Variants in RAMP1 observed in about 807,000 individuals in gnomAD.
The protein encoded by RAMP1 is receptor activity modifying protein 1, also known as receptor activity-modifying protein 1.
In RAMP1, 7 loss-of-function variants were observed where a neutral mutation model predicts 8.2. The observed-to-expected ratio is 0.85, with a 90% CI of 0.49 to 1.60. RAMP1 has a LOEUF of 1.60. Ranked by LOEUF, RAMP1 falls within the 40% of genes most tolerant of loss-of-function variation. The pLI, the probability that RAMP1 is intolerant of heterozygous loss-of-function variation, is 0.00. For synonymous variants in RAMP1, 92 were observed against 84.7 expected (o/e 1.09, Z -0.47); for missense variants, 192 against 202.4 (o/e 0.95, Z 0.31).
chr2:237,903,647 C>G (rs908435563), intron 2 of RAMP1, among the ~76,000 whole-genome samples: 3 of 152,050 alleles, frequency 2.0e-5, no homozygotes, highest in African/African-American at 7.2e-5. Flanking sequence ...TGACCTAAGC[C>G]TCCCAACTAG....
chr2:237,909,358 G>T (rs534241967), intron 2 of RAMP1, among the ~76,000 whole-genome samples: 1 of 144,722 alleles, frequency 6.9e-6, no homozygotes, highest in Non-Finnish European at 1.5e-5. Context: ...AGGCCTTGCC[G>T]AGCCTGTGCC....
chr2:237,871,054 G>T (rs1346321699), intron 1 of RAMP1, among the ~76,000 whole-genome samples: 6 of 152,232 alleles, frequency 3.9e-5, no homozygotes, highest in Non-Finnish European at 8.8e-5. Flanking sequence ...GTAAGCGGCT[G>T]TGTGGGTGGG....
intron 1 of RAMP1, among the ~76,000 whole-genome samples, chr2:237,872,320 A>G (rs115342921): frequency 6.6e-6 from 1 of 152,188 alleles, no homozygotes; most frequent in Non-Finnish European, 1.5e-5. Context: ...AGTGACGGTG[A>G]TGATGGCCAC....
intron 2 of RAMP1, among the ~76,000 whole-genome samples, chr2:237,902,911 G>A (rs1471208946): frequency 1.3e-5 from 2 of 152,212 alleles, no homozygotes; most frequent in East Asian, 3.8e-4. Context: ...TACCATTCTG[G>A]TGGGGATCAC....
chr2:237,902,162 G>T (rs2062605300), intron 2 of RAMP1, among the ~76,000 whole-genome samples: 1 of 152,034 alleles, frequency 6.6e-6, no homozygotes, highest in Non-Finnish European at 1.5e-5. Flanking sequence ...TCTCCTCCGG[G>T]GGCTGGTAAG....
chr2:237,905,460 C>T (rs1333797151), intron 2 of RAMP1, among the ~76,000 whole-genome samples: 1 of 152,230 alleles, frequency 6.6e-6, no homozygotes, highest in Non-Finnish European at 1.5e-5. Flanking sequence ...ATAGCCCACC[C>T]ACACACGGCC....
At position 237,862,495 on chromosome 2, in the gene RAMP1, G is replaced by A. The variant is rs1404629211; in HGVS notation, c.52+2768G>A. Among the ~76,000 whole-genome samples the A allele has an allele frequency of 6.6e-6, 1 of 152,168 alleles. No homozygotes were observed. The highest frequency in any genetic ancestry group is 1.5e-5 in the Non-Finnish European group (1 of 68,016). ...TCAGCTCCGGGAAATGTTTTAGGTG[G>A]AATCTTTAGTTAAGGCTAGTTGGAA... On this transcript the variant is annotated intron_variant, in intron 1 of 2. Transcript: ENST00000254661. The surrounding 1 kb of genome is among the most constrained non-coding windows in gnomAD (Gnocchi z 4.0).
chr2:237,859,728 G>C lies in RAMP1; in HGVS notation c.52+1G>C. 6.6e-6 allele frequency: 10 copies of C among 1,513,456 alleles called. No homozygotes were observed. The highest frequency in any genetic ancestry group is 8.8e-6 in the Non-Finnish European group (10 of 1,131,506). 93.8% of individuals were successfully genotyped at this position (1,513,456 alleles called of 1,614,324 possible). A position where few individuals can be genotyped will look rare whatever the true frequency, so the allele number is the denominator to read the frequency against. Reference sequence around the variant, plus strand: ...CGGCGCGGCCTCTGGCTGCTCCTGGGTGAGTAGGTCCAGGGGTCCCGGCCG... The same window carrying C: ...CGGCGCGGCCTCTGGCTGCTCCTGGCTGAGTAGGTCCAGGGGTCCCGGCCG... On this transcript the variant is annotated splice_donor_variant, in intron 1 of 2. Transcript: ENST00000254661. LOFTEE classifies it high-confidence loss of function.
chr2:237,895,240 G>T lies in RAMP1; in HGVS notation c.192-16288G>T, dbSNP rs552889934. 2.6e-5 allele frequency among the ~76,000 whole-genome samples: 4 copies of T among 152,146 alleles called. No individual in the cohort carries two copies. In the South Asian group the frequency reaches 6.2e-4, roughly 24 times the overall value. On this transcript the variant is annotated intron_variant, in intron 2 of 2. Coordinates refer to ENST00000254661, the MANE Select transcript of RAMP1 (RefSeq NM_005855.4). ...GGCTCCCATCCAAAGGCAGGGCAGC[G>T]CGAGTCACATGCCCACCCCCTGCTG... is the stretch of plus-strand genomic sequence containing the variant.
intron 2 of RAMP1, among the ~76,000 whole-genome samples, chr2:237,894,260 T>G (rs1019113820): frequency 1.8e-4 from 28 of 152,172 alleles, no homozygotes; most frequent in African/African-American, 6.0e-4. Context: ...CGTGAGCCAC[T>G]TCACCCGGCC....
At chr2:237,873,402 C>T (rs1464877092) in intron 1 of RAMP1, among the ~76,000 whole-genome samples, 1 of 152,224 alleles carries the variant, frequency 6.6e-6, no homozygotes, top group Non-Finnish European at 1.5e-5. Context: ...GTCCAGGGGT[C>T]CCCTGTGGGG....
At chr2:237,874,422 G>A (rs888976457) in intron 1 of RAMP1, among the ~76,000 whole-genome samples, 4 of 152,222 alleles carry the variant, frequency 2.6e-5, no homozygotes, top group South Asian at 2.1e-4. Flanking sequence ...TGCAGACCCC[G>A]CTTCCCAGAC....
intron 1 of RAMP1, among the ~76,000 whole-genome samples, chr2:237,869,475 C>T (rs930674338): frequency 2.0e-5 from 3 of 152,300 alleles, no homozygotes; most frequent in Non-Finnish European, 2.9e-5. Context: ...GCCCCTGGGA[C>T]CCACGATTCT....
intron 2 of RAMP1, among the ~76,000 whole-genome samples, chr2:237,909,947 G>A (rs2062693045): frequency 6.6e-6 from 1 of 152,104 alleles, no homozygotes; most frequent in African/African-American, 2.4e-5. Context: ...TTCTCTCCAA[G>A]CCAAGCCCAA....
At chr2:237,871,769 T>C (rs2062247934) in intron 1 of RAMP1, among the ~76,000 whole-genome samples, 1 of 152,192 alleles carries the variant, frequency 6.6e-6, no homozygotes, top group South Asian at 2.1e-4. Context: ...TATGCAAAAA[T>C]AGGCTTCTTT....
chr2:237,867,008 C>T (rs1202513195), intron 1 of RAMP1, among the ~76,000 whole-genome samples: 2 of 152,162 alleles, frequency 1.3e-5, no homozygotes, highest in Admixed American at 6.5e-5. Flanking sequence ...GGATTACAGG[C>T]GTGAGCCACT....
intron 2 of RAMP1, among the ~76,000 whole-genome samples, chr2:237,900,636 TC>T (rs1360535276): frequency 6.6e-6 from 1 of 152,228 alleles, no homozygotes; most frequent in Non-Finnish European, 1.5e-5. Context: ...TTTGCCCCAT[TC>T]CATTCATTTG....
At position 237,912,027 on chromosome 2, in the gene RAMP1, A is replaced by C; in HGVS notation, c.*244A>C. On this transcript the variant is annotated 3_prime_UTR_variant, in exon 3 of 3. Coordinates refer to ENST00000254661, the MANE Select transcript of RAMP1 (RefSeq NM_005855.4). The stretch of plus-strand genomic sequence containing the variant: ...GGACGTGACCTTGACTTACCTCTGG[A>C]AAGGGTCCCAGCCTAGACTGCTTAC... 1.6e-6 allele frequency: 1 copy of C among 611,134 alleles called. No homozygotes were observed. Among genetic ancestry groups the C allele is most frequent in the Non-Finnish European group, 2.8e-6 (1 of 354,852 alleles). 37.9% of individuals were successfully genotyped at this position (611,134 alleles called of 1,614,324 possible). A position where few individuals can be genotyped will look rare whatever the true frequency, so the allele number is the denominator to read the frequency against.
intron 1 of RAMP1, among the ~76,000 whole-genome samples, chr2:237,872,495 C>T (rs572520049): frequency 6.6e-6 from 1 of 152,180 alleles, no homozygotes; most frequent in Non-Finnish European, 1.5e-5. Context: ...GCAGCCGGGG[C>T]TCCTGGCCAA....
Sources: gnomAD v4.1 joint callset for allele counts (sites outside exome capture counted in the v4.1 genomes callset) on GRCh38, gnomAD v4.1.1 for gene constraint, Gnocchi (gnomAD v3.1) non-coding constraint, MANE v1.5 for transcripts, NCBI Gene and HGNC (gene_info 2026-07-23, HGNC 2026-07-21) for gene names.